ADGRG1: variants seen among roughly 807,000 people sequenced by gnomAD.
ADGRG1 encodes the protein adhesion G protein-coupled receptor G1, also known as 7-transmembrane protein with no EGF-like N-terminal domains-1.
In ADGRG1, 53 loss-of-function variants were observed where a neutral mutation model predicts 73.5. The observed-to-expected ratio is 0.72, with a 90% CI of 0.58 to 0.91. The LOEUF (loss-of-function observed/expected upper bound fraction) is 0.91. Among genes scored for constraint, ADGRG1 ranks in the 40% least tolerant of loss-of-function variants. The probability of loss-of-function intolerance (pLI) is 0.00; values close to 1 mark genes in which losing one functional copy is unlikely to be tolerated. For missense variants in ADGRG1, 795 were observed against 871.8 expected (o/e 0.91, Z 1.11); for synonymous variants, 394 against 374.4 (o/e 1.05, Z -0.60).
chr16:57,635,574 C>A (rs540049917), intron 1 of ADGRG1: 5 of 985,336 alleles, frequency 5.1e-6, no homozygotes, highest in Non-Finnish European at 6.0e-6. Flanking sequence ...TTAGTGATTG[C>A]GATCTAGGAA....
Position 57,656,106 on chromosome 16 carries a change from G to T in ADGRG1, c.1017+114G>T, listed in dbSNP as rs563587112. On this transcript the variant is annotated intron_variant, in intron 7 of 13. Coordinates refer to ENST00000562631, the MANE Select transcript of ADGRG1 (RefSeq NM_201525.4). ...AATGAAACGATTGCCTGATCGAGCA[G>T]TCAGGTCCAAATGGGGCGGGTGGTG... 30 of 1,613,500 alleles carry T rather than the reference G, an allele frequency of 1.9e-5. No homozygotes were observed. The East Asian group carries it at 6.5e-4, about 35-fold the overall frequency.
intron 10 of ADGRG1, chr16:57,658,898 G>A (rs1329461058): frequency 2.1e-6 from 2 of 956,610 alleles, no homozygotes; most frequent in Non-Finnish European, 2.5e-6. Flanking sequence ...GGTGACACTG[G>A]GGCCTGCATG....
At chr16:57,653,098 A>T in intron 3 of ADGRG1, 105 bp from the exon 4 acceptor site, 1 of 1,589,482 alleles carries the variant, frequency 6.3e-7, no homozygotes, top group African/African-American at 1.3e-5. Flanking sequence ...TGTAAAGTAA[A>T]GATCGAGGCA....
intron 1 of ADGRG1, chr16:57,630,089 C>G: frequency 2.4e-6 from 2 of 825,838 alleles, no homozygotes; most frequent in Non-Finnish European, 2.9e-6. Context: ...ACTGTGCACT[C>G]TGTGCTCTGT....
intron 3 of ADGRG1, chr16:57,651,931 G>T: frequency 7.4e-7 from 1 of 1,353,794 alleles, no homozygotes; most frequent in Non-Finnish European, 9.5e-7. Flanking sequence ...GGAGGATGAG[G>T]TCTGAATAGG....
chr16:57,652,608 G>A (rs1421261456), intron 3 of ADGRG1: 1 of 984,534 alleles, frequency 1.0e-6, no homozygotes, highest in Non-Finnish European at 1.2e-6. Flanking sequence ...ACATGGACCA[G>A]GGATTTCAAA....
intron 3 of ADGRG1, 199 bp from the exon 4 acceptor site, chr16:57,653,004 G>A: frequency 2.1e-6 from 3 of 1,441,168 alleles, no homozygotes; most frequent in Non-Finnish European, 2.7e-6. Context: ...GGCGGGTTCT[G>A]TAAGACACAA....
intron 5 of ADGRG1, among the ~76,000 whole-genome samples, 165 bp downstream of exon 5, chr16:57,654,298 C>T (rs1342131435): frequency 6.6e-6 from 1 of 152,096 alleles, no homozygotes; most frequent in Non-Finnish European, 1.5e-5. Flanking sequence ...AGTAGTTCAA[C>T]CGTGGGATTG....
At chr16:57,622,616 A>G (rs2035070412) in intron 2 of ADGRG1, 1 of 195,654 alleles carries the variant, frequency 5.1e-6, no homozygotes, top group Admixed American at 6.5e-5. Context: ...GGCTTATTAG[A>G]GGTGGCTCAG....
Position 57,663,668 on chromosome 16 carries a change from A to C in ADGRG1, c.*86A>C. The C allele has an allele frequency of 6.8e-7, 1 of 1,463,326 alleles. No homozygotes were observed. Among genetic ancestry groups the C allele is most frequent in the Non-Finnish European group, 9.5e-7 (1 of 1,057,330 alleles). The allele number at this position is 1,463,326 out of a possible 1,614,324, so 90.6% of individuals were successfully genotyped here. On this transcript the variant is annotated 3_prime_UTR_variant, in exon 14 of 14. Coordinates refer to ENST00000562631, the MANE Select transcript of ADGRG1 (RefSeq NM_201525.4). The stretch of plus-strand genomic sequence containing the variant: ...TGGCCCCCGAGCCCGGCCCAGCCCC[A>C]GGCCAGTCAGCCGCAGACTTTGGAA...
intron 12 of ADGRG1, 199 bp from the exon 13 acceptor site, chr16:57,661,498 T>A (rs1489450557): frequency 2.0e-6 from 2 of 981,198 alleles, no homozygotes; most frequent in Non-Finnish European, 2.4e-6. Flanking sequence ...ATCTATATTA[T>A]TACTTACTTA....
intron 5 of ADGRG1, among the ~76,000 whole-genome samples, chr16:57,654,523 T>C (rs1209629067): frequency 6.7e-6 from 1 of 150,210 alleles, no homozygotes; most frequent in Non-Finnish European, 1.5e-5. Flanking sequence ...TCTCAAGCGA[T>C]TCTCCCACTT....
upstream of ADGRG1, chr16:57,628,540 T>A (rs1327930761): frequency 1.0e-6 from 1 of 985,350 alleles, no homozygotes; most frequent in Non-Finnish European, 1.2e-6. Flanking sequence ...TCGTCCGTCA[T>A]CCCCAGTCAA....
chr16:57,640,565 G>T (rs1318121913), intron 1 of ADGRG1, among the ~76,000 whole-genome samples: 3 of 152,226 alleles, frequency 2.0e-5, no homozygotes, highest in African/African-American at 7.2e-5. Flanking sequence ...CGCCTGCGGG[G>T]TGTGCAACCT....
At position 57,630,199 on chromosome 16, in the gene ADGRG1, G is replaced by A. The variant is rs755674159; in HGVS notation, c.-36+1397G>A. 2.0e-5 allele frequency: 8 copies of A among 390,784 alleles called. 1 individual carries two copies. Among genetic ancestry groups the A allele is most frequent in the South Asian group, 1.0e-4 (1 of 9,630 alleles). 24.2% of individuals were successfully genotyped at this position (390,784 alleles called of 1,614,324 possible). On this transcript the variant is annotated intron_variant, in intron 1 of 13. Transcript: ENST00000562631. ...CCTGCCCCTCCCAGAGGATAGCCCC[G>A]GGCAGCCTGTTGGCTCCTTGGGGTC...
At chr16:57,635,983 C>G in intron 1 of ADGRG1, 11 of 985,400 alleles carry the variant, frequency 1.1e-5, no homozygotes, top group Non-Finnish European at 1.3e-5. Flanking sequence ...CCTCGTGAGT[C>G]TCTGCAGACT....
At chr16:57,633,919 A>T (rs1453403077) in intron 1 of ADGRG1, 1 of 195,888 alleles carries the variant, frequency 5.1e-6, no homozygotes, top group Non-Finnish European at 9.3e-6. Context: ...GGCATTGTCC[A>T]GCCTGGGACT....
intron 1 of ADGRG1, chr16:57,648,819 C>T (rs1159204938): frequency 1.0e-5 from 5 of 501,602 alleles, no homozygotes; most frequent in African/African-American, 2.1e-5. Flanking sequence ...GCCAAGCCTT[C>T]TGGCAAGTCT....
upstream of ADGRG1, among the ~76,000 whole-genome samples, chr16:57,624,505 A>G (rs1405384179): frequency 3.3e-5 from 5 of 152,150 alleles, no homozygotes; most frequent in African/African-American, 1.2e-4. Flanking sequence ...TGTCTCGAAA[A>G]CAAAGAAAAA....
Sources: gnomAD v4.1 joint callset for allele counts (sites outside exome capture counted in the v4.1 genomes callset) on GRCh38, gnomAD v4.1.1 for gene constraint, MANE v1.5 for transcripts, NCBI Gene and HGNC (gene_info 2026-07-23, HGNC 2026-07-21) for gene names.